LRRC66: variants seen among roughly 807,000 people sequenced by gnomAD.
The protein encoded by LRRC66 is leucine-rich repeat-containing protein 66.
In LRRC66, 29 loss-of-function variants were observed where a neutral mutation model predicts 24.6. The ratio of observed to expected loss-of-function variants is 1.18; its 90% CI spans 0.88 to 1.61. The LOEUF (loss-of-function observed/expected upper bound fraction) is 1.61. Ranked by LOEUF, LRRC66 falls within the 40% of genes most tolerant of loss-of-function variation. The probability of loss-of-function intolerance (pLI) is 0.00; values close to 1 mark genes in which losing one functional copy is unlikely to be tolerated. For synonymous variants in LRRC66, 411 were observed against 397.6 expected, an observed-to-expected ratio of 1.03 and a Z score of -0.40; for missense variants, 1,124 against 1,058.0, an observed-to-expected ratio of 1.06 and a Z score of -0.87.
chr4:52,002,221 A>T (rs575048227), intron 3 of LRRC66, among the ~76,000 whole-genome samples: 1 of 152,386 alleles, frequency 6.6e-6, no homozygotes, highest in African/African-American at 2.4e-5. Flanking sequence ...AACACTTACC[A>T]CTAAGAAGAA....
At chr4:52,015,340 A>G (rs1736785759) in intron 2 of LRRC66, among the ~76,000 whole-genome samples, 1 of 152,068 alleles carries the variant, frequency 6.6e-6, no homozygotes, top group South Asian at 2.1e-4. Flanking sequence ...GAAAAAAAAA[A>G]GGGAGAAGAA....
intron 1 of LRRC66, chr4:52,018,219 GTGTTATCAAATACA>G: frequency 1.0e-6 from 1 of 985,304 alleles, no homozygotes; most frequent in South Asian, 4.7e-5. Context: ...ACAACATAAT[GTGTTATCAAATACA>G]TGTTCTGGCT....
At chr4:51,997,973 G>A (rs1269024691) in intron 3 of LRRC66, 36 bp from the exon 4 acceptor site, 2 of 1,546,180 alleles carry the variant, frequency 1.3e-6, no homozygotes, top group African/African-American at 1.4e-5. Context: ...ATGGTCTGTG[G>A]ATAAAGACAT....
intron 2 of LRRC66, among the ~76,000 whole-genome samples, chr4:52,009,872 A>C (rs1736662728): frequency 1.3e-5 from 2 of 152,180 alleles, no homozygotes; most frequent in Non-Finnish European, 2.9e-5. Flanking sequence ...CCAAAACTAG[A>C]CATCAACAAT....
chr4:51,997,412 C>T (rs1282857926), intron 4 of LRRC66, among the ~76,000 whole-genome samples: 1 of 152,114 alleles, frequency 6.6e-6, no homozygotes. Flanking sequence ...TAATTCTTGT[C>T]TAATGCCAAC....
In LRRC66 at chr4:52,014,812, C is replaced by A. The variant is rs566149944; in HGVS notation, c.496+2306G>T. Among the ~76,000 whole-genome samples the A allele has an allele frequency of 4.6e-5, 7 of 152,350 alleles. No homozygotes were observed. The East Asian group carries it at 1.4e-3, about 29-fold the overall frequency. The stretch of plus-strand genomic sequence containing the variant: ...AATCAGATTCATGCCTTACACTGAA[C>A]TTCCACCGTCTATCTCTTTTCATTC... On this transcript the variant is annotated intron_variant, in intron 2 of 4. Coordinates refer to ENST00000682860, the MANE Select transcript of LRRC66 (RefSeq NM_001024611.3).
In LRRC66 at chr4:51,995,942, G is replaced by T. The variant is rs202084050; in HGVS notation, c.1080C>A (p.Arg360=). 6.2e-7 allele frequency: 1 copy of T among 1,614,016 alleles called. No individual in the cohort carries two copies. The highest frequency in any genetic ancestry group is 8.5e-7 in the Non-Finnish European group (1 of 1,180,002). ...CTTTTTTGCCGGCAGCCTGCACATC[G>T]CGGGTGCTTCTAACACTCCTTGGCA... ...RRLPRSVRST[R]DVQAAGKKED... The change falls in exon 5 of 5, where the codon CGC becomes CGA. Residue 360 remains arginine (R), a synonymous_variant. Transcript: ENST00000682860.
At position 52,017,254 on chromosome 4, in the gene LRRC66, G is replaced by C. The variant is rs765376432; in HGVS notation, c.360C>G (p.Ala120=). The part of the protein sequence containing the change: ...ALEVLNLSNN[A]IHSLSLDLLS... ...GTAGATCCAATGAGAGGGAGTGGATGGCATTGTTGCTGAGGTTTAACACTT... is the reference window on the plus strand; with the variant it reads ...GTAGATCCAATGAGAGGGAGTGGATCGCATTGTTGCTGAGGTTTAACACTT... Residue 120 remains alanine (A), a synonymous_variant, in exon 2 of 5, where the codon GCC becomes GCG. Transcript: ENST00000682860. 6.2e-7 allele frequency: 1 copy of C among 1,614,110 alleles called. No homozygotes were observed. Among genetic ancestry groups the C allele is most frequent in the Non-Finnish European group, 8.5e-7 (1 of 1,180,012 alleles).
chr4:52,005,029 A>AT (rs1736541561), intron 2 of LRRC66, among the ~76,000 whole-genome samples: 1 of 152,190 alleles, frequency 6.6e-6, no homozygotes, highest in Non-Finnish European at 1.5e-5. Flanking sequence ...GTTTGTTTGC[A>AT]TGTCTATCAG....
rs1259353386 is a variant in LRRC66, at chr4:52,003,248, G to T, written c.641C>A (p.Ala214Asp). The change falls in exon 3 of 5, where the codon GCC becomes GAC. Residue 214 changes from alanine (A) to aspartate (D), a missense_variant. Ala to Asp is a moderately radical substitution (Grantham distance 126). Transcript: ENST00000682860. ...SNKIFKIPPQ[A>D]FKDLKKLQVI... ...CTGTAATTTTTTGAGGTCCTTGAAG[G>T]CTTGTGGGGGAATTTTGAATATCTT... is the stretch of plus-strand genomic sequence containing the variant. The T allele has an allele frequency of 4.3e-6, 7 of 1,612,634 alleles. No homozygotes were observed. The highest frequency in any genetic ancestry group is 2.2e-5 in the East Asian group (1 of 44,848).
intron 3 of LRRC66, among the ~76,000 whole-genome samples, chr4:52,001,836 GA>G (rs1184341131): frequency 1.2e-4 from 19 of 152,206 alleles, no homozygotes; most frequent in South Asian, 2.1e-4. Flanking sequence ...AGCTATGCCT[GA>G]ATAGCACTTT....
chr4:52,013,484 C>T, intron 2 of LRRC66, among the ~76,000 whole-genome samples: 1 of 152,180 alleles, frequency 6.6e-6, no homozygotes. Flanking sequence ...GAAGGTAGGA[C>T]AGATTAACCA....
rs1231180083 is a variant in LRRC66, at chr4:51,993,777, A to C, written c.*602T>G. ...TGCAGTTTCACGATCAGCCTCCAAA[A>C]AGTTGTGCTAGTGTGTGTTCAGAAT... On this transcript the variant is annotated 3_prime_UTR_variant, in exon 5 of 5. Transcript: ENST00000682860. 2.0e-5 allele frequency: 3 copies of C among 152,228 alleles called. No homozygotes were observed. The East Asian group carries it at 5.8e-4, about 29-fold the overall frequency. The allele number at this position is 152,228 out of a possible 1,614,324, so 9.4% of individuals were successfully genotyped here.
Position 52,017,363 on chromosome 4 carries a change from T to C in LRRC66, c.251A>G (p.Glu84Gly), listed in dbSNP as rs1159239042. The change falls in exon 2 of 5, where the codon GAG becomes GGG. Residue 84 changes from glutamate (E) to glycine (G), a missense_variant. Coordinates refer to ENST00000682860, the MANE Select transcript of LRRC66 (RefSeq NM_001024611.3). ...VLLQSHTKKEEWKIKHLDLSN... is the reference protein window; with the variant it reads ...VLLQSHTKKEGWKIKHLDLSN... ...GAGGTCCAGATGTTTTATTTTCCAC[T>C]CTTCTTTTTTCGTGTGAGACTGTAA... The C allele has an allele frequency of 6.2e-7, 1 of 1,614,174 alleles. No individual in the cohort carries two copies.
At chr4:52,019,782 C>T (rs1736901811) in intron 1 of LRRC66, among the ~76,000 whole-genome samples, 1 of 152,112 alleles carries the variant, frequency 6.6e-6, no homozygotes, top group Non-Finnish European at 1.5e-5. Context: ...AGGTACATTA[C>T]TTTGTAGTGC....
At chr4:51,997,477 TCTA>T (rs1736346897) in intron 4 of LRRC66, among the ~76,000 whole-genome samples, 10 of 152,218 alleles carry the variant, frequency 6.6e-5, no homozygotes, top group Admixed American at 6.5e-4. Flanking sequence ...AAAACTCACT[TCTA>T]GTGGAATTCC....
intron 3 of LRRC66, among the ~76,000 whole-genome samples, chr4:51,998,442 A>G (rs1736373685): frequency 6.6e-6 from 1 of 152,124 alleles, no homozygotes; most frequent in Non-Finnish European, 1.5e-5. Flanking sequence ...TAGAGATGAA[A>G]TCTCACTATG....
chr4:52,011,550 C>A (rs1451289323), intron 2 of LRRC66, among the ~76,000 whole-genome samples: 1 of 152,072 alleles, frequency 6.6e-6, no homozygotes, highest in Non-Finnish European at 1.5e-5. Context: ...ATGAGAATCC[C>A]CTTTAATTAT....
At position 51,995,110 on chromosome 4, in the gene LRRC66, G is replaced by C; in HGVS notation, c.1912C>G (p.Pro638Ala). ...TCAGCCCTTGCCCCGGACAGCCTTGGCTGCTGTATGCTCAGCAAATCAATG... is the reference window on the plus strand; with the variant it reads ...TCAGCCCTTGCCCCGGACAGCCTTGCCTGCTGTATGCTCAGCAAATCAATG... Reference protein sequence around the residue: ...SSIDLLSIQQPRLSGARAEEA... With the variant: ...SSIDLLSIQQARLSGARAEEA... The change falls in exon 5 of 5, where the codon CCA (proline) becomes GCA (alanine). Residue 638 changes from proline (P) to alanine (A), a missense_variant. Physicochemically the swap from Pro to Ala is conservative, Grantham distance 27. Coordinates refer to ENST00000682860, the MANE Select transcript of LRRC66 (RefSeq NM_001024611.3). The C allele has an allele frequency of 6.2e-7, 1 of 1,614,228 alleles. No individual in the cohort carries two copies. The highest frequency in any genetic ancestry group is 1.6e-4 in the Middle Eastern group (1 of 6,062).
Sources: allele counts gnomAD v4.1 joint callset (sites outside exome capture counted in the v4.1 genomes callset), GRCh38; gene constraint gnomAD v4.1.1; transcripts MANE v1.5; gene names NCBI Gene and HGNC (gene_info 2026-07-23, HGNC 2026-07-21).